Variants in LSAMP observed in about 807,000 individuals in gnomAD.
The protein encoded by LSAMP is limbic system associated membrane protein, also known as limbic system-associated membrane protein.
In LSAMP, 7 loss-of-function variants were observed where a neutral mutation model predicts 38.6. That is an observed-to-expected ratio of 0.18 (90% confidence interval 0.10 to 0.34). The LOEUF (loss-of-function observed/expected upper bound fraction) is 0.34, where lower values mean the gene tolerates loss of function less well. LSAMP is among the 10% of genes least tolerant of loss of function. The pLI, the probability that LSAMP is intolerant of heterozygous loss-of-function variation, is 1.00. For synonymous variants in LSAMP, 154 were observed against 166.8 expected, an observed-to-expected ratio of 0.92 and a Z score of 0.59; for missense variants, 313 against 420.0, an observed-to-expected ratio of 0.75 and a Z score of 2.23.
At chr3:115,952,975 G>T (rs979357032) in intron 3 of LSAMP, among the ~76,000 whole-genome samples, 4 of 152,180 alleles carry the variant, frequency 2.6e-5, no homozygotes, top group African/African-American at 9.7e-5. Context: ...ACTAGGCAAA[G>T]GCAATGTTAA....
chr3:116,239,275 T>A (rs1488906417), intron 1 of LSAMP, among the ~76,000 whole-genome samples: 4 of 152,200 alleles, frequency 2.6e-5, no homozygotes, highest in Non-Finnish European at 4.4e-5. Flanking sequence ...CACAGCCATA[T>A]GTCTCTGTCT....
intron 2 of LSAMP, among the ~76,000 whole-genome samples, chr3:116,048,428 A>G (rs1422325272): frequency 2.0e-5 from 3 of 152,202 alleles, no homozygotes; most frequent in Non-Finnish European, 4.4e-5. Context: ...TAGTGCATTA[A>G]AGTGGGGTGA....
At chr3:115,873,460 C>A (rs1014247539) in intron 3 of LSAMP, among the ~76,000 whole-genome samples, 1 of 150,976 alleles carries the variant, frequency 6.6e-6, no homozygotes, top group Admixed American at 6.6e-5. Context: ...AAAAGGAGAT[C>A]TATGGCATAA....
chr3:115,895,063 GT>G (rs1936694644), intron 3 of LSAMP, among the ~76,000 whole-genome samples: 2 of 152,022 alleles, frequency 1.3e-5, no homozygotes, highest in South Asian at 4.2e-4. Context: ...AAAAAGATGT[GT>G]TTATTCACGG....
At chr3:116,011,611 T>C (rs556164687) in intron 3 of LSAMP, among the ~76,000 whole-genome samples, 17 of 152,034 alleles carry the variant, frequency 1.1e-4, no homozygotes, top group African/African-American at 1.9e-4. Context: ...TTAGAAATAG[T>C]AGCAAAGGGT....
At chr3:116,115,915 A>G (rs1708732004) in intron 1 of LSAMP, among the ~76,000 whole-genome samples, 2 of 152,024 alleles carry the variant, frequency 1.3e-5, no homozygotes, top group South Asian at 4.2e-4. Flanking sequence ...TTATACTTAA[A>G]TGTCCGTAGG....
chr3:116,443,983 G>C (rs1206314327), intron 1 of LSAMP, among the ~76,000 whole-genome samples: 1 of 152,138 alleles, frequency 6.6e-6, no homozygotes, highest in Non-Finnish European at 1.5e-5. Flanking sequence ...CACAGTACCT[G>C]ATAGGGGTCA....
intron 4 of LSAMP, 131 bp downstream of exon 4, chr3:115,852,352 A>C: frequency 9.3e-7 from 1 of 1,080,752 alleles, no homozygotes; most frequent in Non-Finnish European, 1.3e-6. Flanking sequence ...TCAATGTATA[A>C]ATGTGCATTC....
intron 1 of LSAMP, among the ~76,000 whole-genome samples, chr3:116,110,270 G>A (rs1216024600): frequency 2.0e-5 from 3 of 151,844 alleles, no homozygotes; most frequent in African/African-American, 4.8e-5. Context: ...CCTTTCCCCA[G>A]AAAAGCAGAG....
chr3:116,433,010 G>A (rs894015252), intron 1 of LSAMP, among the ~76,000 whole-genome samples: 1 of 152,144 alleles, frequency 6.6e-6, no homozygotes, highest in Non-Finnish European at 1.5e-5. Context: ...AGGTGACAGC[G>A]ATCTTTAGTT....
At chr3:116,176,126 C>G (rs1237558820) in intron 1 of LSAMP, among the ~76,000 whole-genome samples, 1 of 152,034 alleles carries the variant, frequency 6.6e-6, no homozygotes, top group Non-Finnish European at 1.5e-5. Context: ...ATAGTTCAGT[C>G]ATTATCCTCA....
intron 1 of LSAMP, among the ~76,000 whole-genome samples, chr3:116,136,103 C>G (rs1709242816): frequency 5.9e-5 from 9 of 152,148 alleles, no homozygotes; most frequent in Admixed American, 5.9e-4. Context: ...ACCCACATTA[C>G]TCACACAGAT....
intron 2 of LSAMP, among the ~76,000 whole-genome samples, chr3:116,081,574 G>A (rs1056009895): frequency 6.6e-6 from 1 of 152,078 alleles, no homozygotes; most frequent in Non-Finnish European, 1.5e-5. Flanking sequence ...GGATTAATGA[G>A]ATATAGGAAA....
chr3:115,994,283 T>C (rs984647997), intron 3 of LSAMP, among the ~76,000 whole-genome samples: 1 of 152,002 alleles, frequency 6.6e-6, no homozygotes. Flanking sequence ...GTCTACCACC[T>C]GGGGATTTGT....
At chr3:116,116,018 A>ATTTTTTTTTTTTTTTTT (rs149748301) in intron 1 of LSAMP, among the ~76,000 whole-genome samples, 1 of 130,484 alleles carries the variant, frequency 7.7e-6, no homozygotes, top group African/African-American at 2.7e-5. Flanking sequence ...ATTTCCTCTC[A>ATTTTTTTTTTTTTTTTT]TTTTTTTTTT....
chr3:116,253,584 C>A (rs1366794665), intron 1 of LSAMP, among the ~76,000 whole-genome samples: 2 of 152,308 alleles, frequency 1.3e-5, no homozygotes, highest in Middle Eastern at 3.4e-3. Context: ...TAATAATTTT[C>A]TCTCACTCGT....
intron 3 of LSAMP, among the ~76,000 whole-genome samples, chr3:116,012,904 T>A (rs967263634): frequency 6.6e-6 from 1 of 152,224 alleles, no homozygotes; most frequent in African/African-American, 2.4e-5. Context: ...TATTCTATTT[T>A]TAAATGTATT....
chr3:115,830,426 A>G (rs1253030530), intron 6 of LSAMP, among the ~76,000 whole-genome samples: 1 of 152,230 alleles, frequency 6.6e-6, no homozygotes, highest in Non-Finnish European at 1.5e-5. Context: ...GATTATTAAT[A>G]TACTATAGAT....
chr3:115,878,193 T>C (rs1936232319), intron 3 of LSAMP, among the ~76,000 whole-genome samples: 1 of 152,062 alleles, frequency 6.6e-6, no homozygotes, highest in African/African-American at 2.4e-5. Flanking sequence ...AGACTCTTGA[T>C]GAATGTCCTC....
Sources: allele counts gnomAD v4.1 joint callset (sites outside exome capture counted in the v4.1 genomes callset), GRCh38; gene constraint gnomAD v4.1.1; transcripts MANE v1.5; gene names NCBI Gene and HGNC (gene_info 2026-07-23, HGNC 2026-07-21).